The following COMMD1 variants were observed in gnomAD, a reference collection of about 807,000 sequenced individuals.
COMMD1 encodes the protein COMM domain-containing protein 1.
In COMMD1, 10 loss-of-function variants were observed where a neutral mutation model predicts 17.2. That is an observed-to-expected ratio of 0.58 (90% confidence interval 0.36 to 0.99). The LOEUF (loss-of-function observed/expected upper bound fraction) is 0.99. COMMD1 is among the 50% of genes least tolerant of loss of function. COMMD1 has a pLI of 0.01. For missense variants in COMMD1, 270 were observed against 231.8 expected (o/e 1.17, Z -1.07); for synonymous variants, 97 against 91.6 (o/e 1.06, Z -0.34).
chr2:61,938,381 A>G (rs1275824614), intron 1 of COMMD1, among the ~76,000 whole-genome samples: 1 of 152,108 alleles, frequency 6.6e-6, no homozygotes, highest in Admixed American at 6.5e-5. Flanking sequence ...CCCTAAATAC[A>G]TTGCGTGTGT....
intron 1 of COMMD1, among the ~76,000 whole-genome samples, chr2:61,970,712 A>G (rs1671625459): frequency 6.6e-6 from 1 of 152,190 alleles, no homozygotes; most frequent in Non-Finnish European, 1.5e-5. Context: ...AATATTTCCT[A>G]TGATTAATTT....
chr2:61,997,331 G>GCC (rs1270592474), intron 1 of COMMD1, among the ~76,000 whole-genome samples: 1 of 151,204 alleles, frequency 6.6e-6, no homozygotes, highest in African/African-American at 2.4e-5. Context: ...CAAGTGCTGA[G>GCC]ATTATAGGCT....
At chr2:62,017,041 T>C (rs1261657562) in intron 2 of COMMD1, among the ~76,000 whole-genome samples, 1 of 152,228 alleles carries the variant, frequency 6.6e-6, no homozygotes, top group Non-Finnish European at 1.5e-5. Context: ...GTATAATTAA[T>C]TAAACAGAGC....
intron 2 of COMMD1, among the ~76,000 whole-genome samples, chr2:62,071,960 T>G (rs998264984): frequency 4.0e-5 from 6 of 151,680 alleles, no homozygotes; most frequent in Non-Finnish European, 8.8e-5. Flanking sequence ...AAGTGTTAAG[T>G]CACACCCTCA....
At chr2:62,112,402 T>C (rs1169348002) in intron 2 of COMMD1, among the ~76,000 whole-genome samples, 1 of 152,232 alleles carries the variant, frequency 6.6e-6, no homozygotes, top group African/African-American at 2.4e-5. Flanking sequence ...ATGAGAACTT[T>C]TTTGTTTCTC....
chr2:62,000,268 G>A (rs1668889253), intron 1 of COMMD1, among the ~76,000 whole-genome samples: 1 of 145,106 alleles, frequency 6.9e-6, no homozygotes, highest in Admixed American at 6.9e-5. Flanking sequence ...TTATTTCAGT[G>A]AATTTTTTTT....
intron 2 of COMMD1, among the ~76,000 whole-genome samples, chr2:62,075,927 A>G (rs1040394934): frequency 2.0e-4 from 30 of 152,254 alleles, no homozygotes; most frequent in African/African-American, 6.8e-4. Flanking sequence ...AATTGCAAGA[A>G]TATCTCAGTC....
chr2:61,907,979 CA>C (rs1669814179), intron 1 of COMMD1, among the ~76,000 whole-genome samples: 2 of 152,102 alleles, frequency 1.3e-5, no homozygotes, highest in South Asian at 4.1e-4. Context: ...TGAGCCACTG[CA>C]TCCGGCTTTA....
At chr2:61,928,232 G>A (rs76181467) in intron 1 of COMMD1, among the ~76,000 whole-genome samples, 2,724 of 151,858 alleles carry the variant, frequency 0.018, 55 homozygotes, top group African/African-American at 0.041. Flanking sequence ...GTACAATCTC[G>A]GCACATTACG....
chr2:61,901,429 C>T (rs1222617294), upstream of COMMD1, among the ~76,000 whole-genome samples: 1 of 151,734 alleles, frequency 6.6e-6, no homozygotes, highest in Non-Finnish European at 1.5e-5. Context: ...TCAAGACCAG[C>T]CTGGCCAAGA....
intron 2 of COMMD1, among the ~76,000 whole-genome samples, chr2:62,101,637 T>C (rs538615326): frequency 6.6e-6 from 1 of 151,828 alleles, no homozygotes; most frequent in African/African-American, 2.4e-5. Context: ...ATATATATGG[T>C]CCCCAGGTTA....
chr2:62,019,237 G>C (rs375080174), intron 2 of COMMD1, among the ~76,000 whole-genome samples: 3 of 150,982 alleles, frequency 2.0e-5, no homozygotes, highest in Non-Finnish European at 4.4e-5. Context: ...GCAATGGCGC[G>C]ATCTCAGCTC....
intron 1 of COMMD1, among the ~76,000 whole-genome samples, chr2:61,890,704 G>A (rs1286211247): frequency 6.6e-6 from 1 of 151,792 alleles, no homozygotes; most frequent in African/African-American, 2.4e-5. Context: ...AACCGGGGGT[G>A]TAATCCCAGC....
chr2:61,957,365 A>T (rs988361515), intron 1 of COMMD1, among the ~76,000 whole-genome samples: 1 of 152,132 alleles, frequency 6.6e-6, no homozygotes, highest in Non-Finnish European at 1.5e-5. Context: ...CATCAATTCC[A>T]TGAAACTATA....
At chr2:61,964,319 C>T (rs1268333377) in intron 1 of COMMD1, among the ~76,000 whole-genome samples, 3 of 152,088 alleles carry the variant, frequency 2.0e-5, no homozygotes, top group African/African-American at 7.2e-5. Context: ...CTCTTGGGCT[C>T]TAGCAGTCCT....
intron 1 of COMMD1, among the ~76,000 whole-genome samples, chr2:61,975,708 G>A (rs986312380): frequency 2.0e-5 from 3 of 151,920 alleles, no homozygotes; most frequent in Non-Finnish European, 4.4e-5. Context: ...AATTTCTCTA[G>A]ACTTCTTCTT....
intron 2 of COMMD1, among the ~76,000 whole-genome samples, chr2:62,036,935 T>C (rs1167201364): frequency 1.3e-5 from 2 of 152,210 alleles, no homozygotes; most frequent in African/African-American, 4.8e-5. Flanking sequence ...ATGAGTGATA[T>C]ATAGTGGTTT....
intron 2 of COMMD1, among the ~76,000 whole-genome samples, chr2:62,108,010 AT>A (rs1221513904): frequency 6.6e-6 from 1 of 152,092 alleles, no homozygotes; most frequent in Admixed American, 6.5e-5. Flanking sequence ...GAGTCTGTTT[AT>A]CCCCCAGCAT....
chr2:62,128,113 A>G (rs909086841), intron 2 of COMMD1, among the ~76,000 whole-genome samples: 1 of 151,588 alleles, frequency 6.6e-6, no homozygotes, highest in Non-Finnish European at 1.5e-5. Context: ...GGATCATTTG[A>G]GATCAGAAAT....
Sources: allele counts gnomAD v4.1 joint callset (sites outside exome capture counted in the v4.1 genomes callset), GRCh38; gene constraint gnomAD v4.1.1; transcripts MANE v1.5; gene names NCBI Gene and HGNC (gene_info 2026-07-23, HGNC 2026-07-21).